Variants in DLGAP1 observed in about 807,000 individuals in gnomAD.
DLGAP1 encodes the protein disks large-associated protein 1.
DLGAP1 carries 11 observed loss-of-function variants against 90.8 expected under a neutral mutation model. That is an observed-to-expected ratio of 0.12 (90% CI 0.08 to 0.20). The LOEUF is 0.20. Among genes scored for constraint, DLGAP1 ranks in the 10% least tolerant of loss-of-function variants. DLGAP1 has a pLI of 1.00. For missense variants in DLGAP1, 1,050 were observed against 1,333.8 expected (o/e 0.79, Z 3.31); for synonymous variants, 558 against 540.7 (o/e 1.03, Z -0.44).
chr18:4,394,259 G>A (rs79072391), intron 1 of DLGAP1, among the ~76,000 whole-genome samples: 98 of 152,222 alleles, frequency 6.4e-4, no homozygotes, highest in African/African-American at 2.3e-3. Flanking sequence ...CACGGATTTC[G>A]CTTTTGCTAA....
intron 2 of DLGAP1, among the ~76,000 whole-genome samples, chr18:4,079,737 TG>T (rs2075577848): frequency 3.3e-5 from 5 of 151,560 alleles, no homozygotes; most frequent in Non-Finnish European, 7.4e-5. Flanking sequence ...TGTGTGTATG[TG>T]GAGGGTAAGT....
intron 2 of DLGAP1, among the ~76,000 whole-genome samples, chr18:4,069,116 A>G (rs1288406410): frequency 6.6e-6 from 1 of 152,210 alleles, no homozygotes; most frequent in African/African-American, 2.4e-5. Flanking sequence ...ATGCAGCACA[A>G]TCATGACTGT....
At chr18:4,346,904 A>C (rs2081311490) in intron 1 of DLGAP1, among the ~76,000 whole-genome samples, 1 of 152,170 alleles carries the variant, frequency 6.6e-6, no homozygotes, top group South Asian at 2.1e-4. Flanking sequence ...TAACTCTATA[A>C]ATAAATACCC....
chr18:3,836,973 G>A (rs2068424508), intron 4 of DLGAP1, among the ~76,000 whole-genome samples: 2 of 152,134 alleles, frequency 1.3e-5, no homozygotes, highest in Non-Finnish European at 2.9e-5. Flanking sequence ...TTCTGGGGCT[G>A]GCTACAGGAG....
At chr18:3,906,058 G>A (rs955322600) in intron 3 of DLGAP1, among the ~76,000 whole-genome samples, 7 of 152,120 alleles carry the variant, frequency 4.6e-5, no homozygotes, top group Non-Finnish European at 7.3e-5. Context: ...ATTAGGAAAC[G>A]GAGTGTGATT....
chr18:3,988,527 G>A (rs2073888011), intron 3 of DLGAP1, among the ~76,000 whole-genome samples: 1 of 152,100 alleles, frequency 6.6e-6, no homozygotes, highest in African/African-American at 2.4e-5. Flanking sequence ...CATAAGGAGC[G>A]GGCAACCTAG....
intron 5 of DLGAP1, among the ~76,000 whole-genome samples, chr18:3,751,886 T>TTC (rs1568070302): frequency 7.0e-5 from 10 of 142,436 alleles, no homozygotes; most frequent in African/African-American, 2.7e-4. Flanking sequence ...TCTTCTTCTT[T>TTC]TTTTTTTTTT....
At chr18:3,549,024 G>T (rs2053224226) in intron 9 of DLGAP1, among the ~76,000 whole-genome samples, 1 of 152,162 alleles carries the variant, frequency 6.6e-6, no homozygotes, top group Non-Finnish European at 1.5e-5. Context: ...GGGCGACAGG[G>T]CGAGACTCCA....
intron 2 of DLGAP1, among the ~76,000 whole-genome samples, chr18:4,029,088 A>G (rs773398364): frequency 6.6e-6 from 1 of 152,128 alleles, no homozygotes; most frequent in East Asian, 1.9e-4. Flanking sequence ...TAGATTACAC[A>G]TGTAAGTGAG....
At chr18:4,089,870 C>T (rs2075745111) in intron 2 of DLGAP1, among the ~76,000 whole-genome samples, 1 of 152,082 alleles carries the variant, frequency 6.6e-6, no homozygotes, top group Non-Finnish European at 1.5e-5. Context: ...ACGGTGAAAC[C>T]CCGTCTCTAC....
At chr18:4,189,402 A>G (rs1322190785) in intron 1 of DLGAP1, among the ~76,000 whole-genome samples, 2 of 152,142 alleles carry the variant, frequency 1.3e-5, no homozygotes, top group Non-Finnish European at 2.9e-5. Flanking sequence ...GGGTTTAGAA[A>G]TTTTAACTTG....
intron 5 of DLGAP1, among the ~76,000 whole-genome samples, chr18:3,795,620 C>T (rs1389363813): frequency 6.6e-6 from 1 of 151,980 alleles, no homozygotes; most frequent in Non-Finnish European, 1.5e-5. Context: ...GGCCTGTTTT[C>T]TATTTTTAAA....
At chr18:4,180,086 T>G (rs979441508) in intron 1 of DLGAP1, among the ~76,000 whole-genome samples, 1 of 152,180 alleles carries the variant, frequency 6.6e-6, no homozygotes, top group African/African-American at 2.4e-5. Context: ...GTGATCTCCC[T>G]CTCTTCACAA....
chr18:3,611,134 A>G (rs988182256), intron 7 of DLGAP1, among the ~76,000 whole-genome samples: 1 of 148,836 alleles, frequency 6.7e-6, no homozygotes, highest in Non-Finnish European at 1.5e-5. Flanking sequence ...CCTGTCTTTA[A>G]AAAAAAAAAG....
chr18:3,543,478 AT>A (rs1047188121), intron 9 of DLGAP1, among the ~76,000 whole-genome samples: 1 of 151,852 alleles, frequency 6.6e-6, no homozygotes, highest in African/African-American at 2.4e-5. Context: ...TGACTCCAAT[AT>A]TTTTCCAATA....
At chr18:3,734,954 C>G (rs1171284864) in intron 6 of DLGAP1, among the ~76,000 whole-genome samples, 2 of 152,004 alleles carry the variant, frequency 1.3e-5, no homozygotes, top group African/African-American at 4.8e-5. Flanking sequence ...TATTTTATTA[C>G]AAGTAATAAT....
chr18:4,011,302 G>A (rs1462531519), intron 2 of DLGAP1, among the ~76,000 whole-genome samples: 1 of 152,012 alleles, frequency 6.6e-6, no homozygotes, highest in Admixed American at 6.6e-5. Context: ...GCGTGGGAGA[G>A]AAAAGGCTCA....
At chr18:4,417,051 C>T (rs183015099) in intron 1 of DLGAP1, among the ~76,000 whole-genome samples, 38 of 152,264 alleles carry the variant, frequency 2.5e-4, no homozygotes, top group Admixed American at 2.3e-3. Flanking sequence ...CAACCCCGGT[C>T]TTGTTCAGGG....
chr18:3,617,377 T>G (rs1599562946), intron 7 of DLGAP1, among the ~76,000 whole-genome samples: 1 of 151,994 alleles, frequency 6.6e-6, no homozygotes, highest in Non-Finnish European at 1.5e-5. Context: ...GGCAGGTGGA[T>G]CACCTGAGGT....
Sources: allele counts gnomAD v4.1 joint callset (sites outside exome capture counted in the v4.1 genomes callset), GRCh38; gene constraint gnomAD v4.1.1; transcripts MANE v1.5; gene names NCBI Gene and HGNC (gene_info 2026-07-23, HGNC 2026-07-21).